The following IL10RB variants were observed in gnomAD, a reference collection of about 807,000 sequenced individuals.
The protein encoded by IL10RB is interleukin 10 receptor subunit beta, also known as interleukin-10 receptor subunit beta.
Under a neutral mutation model 38.7 loss-of-function variants are expected in IL10RB, and 30 were observed. The ratio of observed to expected loss-of-function variants is 0.78; its 90% CI spans 0.58 to 1.05. The LOEUF is 1.05. IL10RB is among the 50% of genes least tolerant of loss of function. The probability of loss-of-function intolerance (pLI) is 0.00; values close to 1 mark genes in which losing one functional copy is unlikely to be tolerated. For synonymous variants in IL10RB, 142 were observed against 145.9 expected, an observed-to-expected ratio of 0.97 and a Z score of 0.19; for missense variants, 328 against 397.1, an observed-to-expected ratio of 0.83 and a Z score of 1.48.
intron 6 of IL10RB, chr21:33,293,938 GTGT>G: frequency 4.3e-6 from 2 of 469,960 alleles, no homozygotes; most frequent in South Asian, 3.1e-5. Flanking sequence ...TGGGTAAAAG[GTGT>G]TGTGTTAACT....
chr21:33,275,395 A>C (rs983701108), intron 2 of IL10RB, among the ~76,000 whole-genome samples: 1 of 152,054 alleles, frequency 6.6e-6, no homozygotes, highest in African/African-American at 2.4e-5. Flanking sequence ...TGACCTGATG[A>C]TCCGCCCACC....
Position 33,296,324 on chromosome 21 carries a change from C to A in IL10RB, c.945C>A (p.Leu315=). 6.2e-7 allele frequency: 1 copy of A among 1,613,948 alleles called. No homozygotes were observed. Among genetic ancestry groups the A allele is most frequent in the East Asian group, 2.2e-5 (1 of 44,880 alleles). The change falls in exon 7 of 7, where the codon CTC becomes CTA. Residue 315 remains leucine, a synonymous_variant. Coordinates refer to ENST00000290200, the MANE Select transcript of IL10RB (RefSeq NM_000628.5). ...AGAATCCTGGTGACAGCTGCAGCCT[C>A]GGGACCCCGCCTGGGCAGGGGCCCC... The part of the protein sequence containing the change: ...GKQNPGDSCS[L]GTPPGQGPQS
chr21:33,303,226 A>G (rs2082990280), intron 1 of IL10RB, among the ~76,000 whole-genome samples: 1 of 151,986 alleles, frequency 6.6e-6, no homozygotes, highest in African/African-American at 2.4e-5. Context: ...CTCAACAGAG[A>G]GATGACCTTC....
In IL10RB at chr21:33,269,149, T is replaced by C. The variant is rs8178453; in HGVS notation, c.173+632T>C. Among the ~76,000 whole-genome samples, 894 of 152,338 alleles carry C rather than the reference T, an allele frequency of 5.9e-3. 13 individuals carry two copies. The highest frequency in any genetic ancestry group is 0.021 in the African/African-American group (856 of 41,570). Reference sequence around the variant, plus strand: ...CCCATTCTCGGACAACAGCAGGGGCTGTGAAGGAAGAGTGAGTGTCACCCT... The same window carrying C: ...CCCATTCTCGGACAACAGCAGGGGCCGTGAAGGAAGAGTGAGTGTCACCCT... On this transcript the variant is annotated intron_variant, in intron 2 of 6. Transcript: ENST00000290200.
chr21:33,295,689 AAT>A (rs1491072973), intron 6 of IL10RB, among the ~76,000 whole-genome samples: 20 of 146,392 alleles, frequency 1.4e-4, no homozygotes, highest in African/African-American at 4.3e-4. Context: ...AAAAAAAAAA[AAT>A]CTTCGTTTGT....
At chr21:33,287,964 C>A in intron 5 of IL10RB, 140 bp from the exon 6 acceptor site, 1 of 843,352 alleles carries the variant, frequency 1.2e-6, no homozygotes, top group Non-Finnish European at 2.0e-6. Context: ...CTGGGTCCTC[C>A]AACCAGTTGC....
exon 2 of IL10RB, chr21:33,309,184 T>C (rs575368166): frequency 1.3e-5 from 2 of 152,284 alleles, no homozygotes; most frequent in African/African-American, 2.4e-5. Context: ...CTGATGTACA[T>C]AGACATGTAA....
intron 6 of IL10RB, among the ~76,000 whole-genome samples, chr21:33,289,584 C>T (rs1431600859): frequency 6.6e-6 from 1 of 152,234 alleles, no homozygotes; most frequent in Non-Finnish European, 1.5e-5. Flanking sequence ...TGTCCCTGCA[C>T]TTGTCAATTT....
At chr21:33,281,910 G>A (rs904905237) in intron 4 of IL10RB, among the ~76,000 whole-genome samples, 3 of 152,094 alleles carry the variant, frequency 2.0e-5, no homozygotes, top group Non-Finnish European at 2.9e-5. Flanking sequence ...TTGCCCAGAC[G>A]TGAAAGGGCA....
At chr21:33,266,540 C>G (rs777368132) in intron 1 of IL10RB, 26 bp downstream of exon 1, 30 of 1,539,854 alleles carry the variant, frequency 1.9e-5, no homozygotes, top group Non-Finnish European at 2.5e-5. Context: ...GGAGGGGGCG[C>G]GCTTGGGAAC....
At chr21:33,304,276 T>C (rs1377856953) in intron 1 of IL10RB, among the ~76,000 whole-genome samples, 1 of 152,118 alleles carries the variant, frequency 6.6e-6, no homozygotes. Context: ...CACAGCAGTC[T>C]GGAGGAAAAA....
intron 2 of IL10RB, 90 bp from the exon 3 acceptor site, chr21:33,276,506 G>A (rs1842500263): frequency 4.0e-6 from 4 of 1,004,104 alleles, no homozygotes; most frequent in East Asian, 2.4e-5. Context: ...CCACTCCCGC[G>A]CCGCCCCCCC....
At position 33,276,783 on chromosome 21, in the gene IL10RB, A is replaced by G. The variant is rs750888474; in HGVS notation, c.331+30A>G. The G allele has an allele frequency of 1.3e-5, 20 of 1,598,102 alleles. No individual in the cohort carries two copies. In the South Asian group the frequency reaches 2.1e-4, roughly 17 times the overall value. On this transcript the variant is annotated intron_variant, in intron 3 of 6. Transcript: ENST00000290200. ...GCCATTTTGTTTTCCCTTTTTTTGT[A>G]ATGTCATCATCTTGCCTTGTTTTTT...
chr21:33,273,649 G>A (rs1418157759), intron 2 of IL10RB, among the ~76,000 whole-genome samples: 1 of 152,208 alleles, frequency 6.6e-6, no homozygotes, highest in Non-Finnish European at 1.5e-5. Context: ...ATGAGATGCT[G>A]TTCGGTAGCA....
intron 1 of IL10RB, among the ~76,000 whole-genome samples, chr21:33,302,346 C>T (rs947258420): frequency 2.0e-5 from 3 of 152,256 alleles, no homozygotes; most frequent in South Asian, 2.1e-4. Context: ...GAAATGGAAG[C>T]TGGGGGTTCC....
chr21:33,279,969 C>CAAGATTCTGCAA, intron 4 of IL10RB, 51 bp downstream of exon 4: 1 of 1,537,302 alleles, frequency 6.5e-7, no homozygotes, highest in African/African-American at 1.4e-5. Context: ...ATATTCTTTG[C>CAAGATTCTGCAA]AGAATCTTGC....
intron 2 of IL10RB, among the ~76,000 whole-genome samples, chr21:33,272,432 T>C (rs1359597852): frequency 6.6e-6 from 1 of 152,108 alleles, no homozygotes; most frequent in Admixed American, 6.6e-5. Flanking sequence ...TATTTTATTT[T>C]ATAAATTTTT....
In IL10RB at chr21:33,280,636, G is replaced by T. The variant is rs1251756281; in HGVS notation, c.498+718G>T. On this transcript the variant is annotated intron_variant, in intron 4 of 6. Transcript: ENST00000290200. The stretch of plus-strand genomic sequence containing the variant: ...TTAAGGTTATTTTTATTCATCCTTG[G>T]TCAAGGTTTATTCTGACACCTAATG... Among the ~76,000 whole-genome samples the T allele has an allele frequency of 2.0e-5, 3 of 152,006 alleles. No individual in the cohort carries two copies. In the East Asian group the frequency reaches 5.8e-4, roughly 29 times the overall value.
intron 3 of IL10RB, among the ~76,000 whole-genome samples, chr21:33,277,131 G>A (rs904535027): frequency 1.3e-5 from 2 of 152,112 alleles, no homozygotes; most frequent in Non-Finnish European, 2.9e-5. Context: ...AAGAATGAAG[G>A]CAGATGTAGA....
Sources: gnomAD v4.1 joint callset for allele counts (sites outside exome capture counted in the v4.1 genomes callset) on GRCh38, gnomAD v4.1.1 for gene constraint, MANE v1.5 for transcripts, NCBI Gene and HGNC (gene_info 2026-07-23, HGNC 2026-07-21) for gene names.